PDE6H: variants seen among roughly 807,000 people sequenced by gnomAD.
PDE6H encodes retinal cone rhodopsin-sensitive cGMP 3',5'-cyclic phosphodiesterase subunit gamma.
Under a neutral mutation model 9.2 loss-of-function variants are expected in PDE6H, and 11 were observed. That is an observed-to-expected ratio of 1.19 (90% CI 0.75 to 1.97). The LOEUF (loss-of-function observed/expected upper bound fraction) is 1.97, where lower values mean the gene tolerates loss of function less well. PDE6H is among the 30% of genes most tolerant of loss of function. The pLI is 0.00. For missense variants in PDE6H, 98 were observed against 101.5 expected (o/e 0.97, Z 0.15); for synonymous variants, 36 against 33.6 (o/e 1.07, Z -0.25).
chr12:14,979,751 T>C (rs776046801), intron 3 of PDE6H, among the ~76,000 whole-genome samples: 7 of 152,184 alleles, frequency 4.6e-5, no homozygotes, highest in Non-Finnish European at 8.8e-5. Context: ...TAAAAATTGG[T>C]TACCAGATTT....
At chr12:14,975,884 A>T (rs1156385623) in intron 1 of PDE6H, among the ~76,000 whole-genome samples, 1 of 149,664 alleles carries the variant, frequency 6.7e-6, no homozygotes, top group East Asian at 2.0e-4. Flanking sequence ...GCAGTGGCAC[A>T]ATCTCAGCTC....
chr12:14,974,004 A>T (rs10505783), intron 1 of PDE6H, among the ~76,000 whole-genome samples: 2 of 152,210 alleles, frequency 1.3e-5, no homozygotes, highest in Non-Finnish European at 1.5e-5. Context: ...CAGTCCCCTA[A>T]AAAAGTATGC....
chr12:14,980,229 C>T (rs544311538), intron 3 of PDE6H, among the ~76,000 whole-genome samples: 3 of 152,292 alleles, frequency 2.0e-5, no homozygotes, highest in African/African-American at 7.2e-5. Context: ...TAGACTCATA[C>T]AGTATACAGC....
chr12:14,974,777 G>A (rs1269358164), intron 1 of PDE6H, among the ~76,000 whole-genome samples: 1 of 152,240 alleles, frequency 6.6e-6, no homozygotes, highest in African/African-American at 2.4e-5. Flanking sequence ...GATGATAATT[G>A]CCCCTCTGGT....
At position 14,981,475 on chromosome 12, in the gene PDE6H, G is replaced by A; in HGVS notation, c.251G>A (p.Ter84=). 1 of 1,610,370 alleles carries A rather than the reference G, an allele frequency of 6.2e-7. No individual in the cohort carries two copies. Among genetic ancestry groups the A allele is most frequent in the East Asian group, 2.2e-5 (1 of 44,866 alleles). Residue 84 remains the stop codon, a stop_retained_variant, in exon 4 of 4, where the codon TGA becomes TAA. Coordinates refer to ENST00000266395, the MANE Select transcript of PDE6H (RefSeq NM_006205.3). ...GAGCTCGCTCAGTTTGGGATTATCT[G>A]AAGTGCCAGAGGTTCTGCCACTCTC... is the stretch of plus-strand genomic sequence containing the variant. ...LHELAQFGII[*] is the part of the protein sequence containing the mutation.
At chr12:14,978,796 T>C (rs759909283) in intron 2 of PDE6H, among the ~76,000 whole-genome samples, 3 of 152,274 alleles carry the variant, frequency 2.0e-5, no homozygotes, top group South Asian at 2.1e-4. Context: ...TGGTATATAA[T>C]AGATGCTTAG....
intron 1 of PDE6H, among the ~76,000 whole-genome samples, chr12:14,975,266 A>G (rs1864574261): frequency 6.6e-6 from 1 of 152,228 alleles, no homozygotes; most frequent in Admixed American, 6.5e-5. Context: ...CCAGAAAAAA[A>G]ATGACTTTTT....
At chr12:14,980,501 C>A (rs1165867140) in intron 3 of PDE6H, among the ~76,000 whole-genome samples, 5 of 152,210 alleles carry the variant, frequency 3.3e-5, no homozygotes, top group Non-Finnish European at 7.3e-5. Flanking sequence ...AACAGTAGCA[C>A]TTGTAGTAAT....
intron 3 of PDE6H, 83 bp downstream of exon 3, chr12:14,979,302 A>G (rs1488220934): frequency 9.1e-6 from 8 of 880,026 alleles, no homozygotes; most frequent in Non-Finnish European, 1.5e-5. Context: ...GGGGCAGTTG[A>G]AAGTTATGAG....
rs758841031 is a variant in PDE6H, at chr12:14,974,760, G to A, written c.-42+1674G>A. On this transcript the variant is annotated intron_variant, in intron 1 of 3. Transcript: ENST00000266395. ...TGAAGGAAGCAGAGAATTACCCAGC[G>A]AGGGCAGATGATAATTGCCCCTCTG... Among the ~76,000 whole-genome samples, 96 of 152,210 alleles carry A rather than the reference G, an allele frequency of 6.3e-4. 1 individual carries two copies. The highest frequency in any genetic ancestry group is 5.2e-4 in the Admixed American group (8 of 15,290).
At chr12:14,979,938 G>C (rs548489304) in intron 3 of PDE6H, among the ~76,000 whole-genome samples, 3 of 152,220 alleles carry the variant, frequency 2.0e-5, no homozygotes, top group Non-Finnish European at 2.9e-5. Flanking sequence ...TCTTGTATTA[G>C]TGTGATTATA....
intron 3 of PDE6H, among the ~76,000 whole-genome samples, chr12:14,979,705 G>A (rs1864653044): frequency 6.6e-6 from 1 of 152,140 alleles, no homozygotes; most frequent in Non-Finnish European, 1.5e-5. Flanking sequence ...GCACCCAGAG[G>A]AGGATCTTAC....
chr12:14,974,847 C>A lies in PDE6H; in HGVS notation c.-42+1761C>A, dbSNP rs928869237. 5.3e-5 allele frequency among the ~76,000 whole-genome samples: 8 copies of A among 152,368 alleles called. 1 individual carries two copies. In the South Asian group the frequency reaches 1.7e-3, roughly 32 times the overall value. ...GAAGGAGGTGCAGAGTCCAGGTGAA[C>A]AAGTGTCATAACCACAGATTTGTTT... is the stretch of plus-strand genomic sequence containing the variant. On this transcript the variant is annotated intron_variant, in intron 1 of 3. Transcript: ENST00000266395.
intron 1 of PDE6H, among the ~76,000 whole-genome samples, chr12:14,975,239 C>A (rs1269972796): frequency 6.6e-6 from 1 of 151,566 alleles, no homozygotes; most frequent in Non-Finnish European, 1.5e-5. Flanking sequence ...ATGAAGGATG[C>A]CAGTTCAATT....
chr12:14,981,802 T>C lies in PDE6H; in HGVS notation c.*326T>C. 2 of 408,446 alleles carry C rather than the reference T, an allele frequency of 4.9e-6. No homozygotes were observed. The highest frequency in any genetic ancestry group is 4.5e-6 in the Non-Finnish European group (1 of 220,050). 25.3% of individuals were successfully genotyped at this position (408,446 alleles called of 1,614,324 possible). A position where few individuals can be genotyped will look rare whatever the true frequency, so the allele number is the denominator to read the frequency against. ...ATTCATTATGATTAATAGTAGACTT[T>C]TAAGACAACATTTATGTCACTCCCC... is the stretch of plus-strand genomic sequence containing the variant. On this transcript the variant is annotated 3_prime_UTR_variant, in exon 4 of 4. Transcript: ENST00000266395.
intron 1 of PDE6H, among the ~76,000 whole-genome samples, chr12:14,973,866 C>T (rs1456283137): frequency 6.6e-6 from 1 of 152,154 alleles, no homozygotes; most frequent in African/African-American, 2.4e-5. Context: ...TCTCAGGAAC[C>T]TCCTAAAACT....
At chr12:14,975,368 A>ATTT (rs11314271) in intron 1 of PDE6H, among the ~76,000 whole-genome samples, 19 of 149,102 alleles carry the variant, frequency 1.3e-4, no homozygotes, top group African/African-American at 3.5e-4. Context: ...GTGTCTTGTA[A>ATTT]TTTTTTTTTT....
intron 1 of PDE6H, among the ~76,000 whole-genome samples, chr12:14,975,453 C>T (rs911324022): frequency 2.6e-5 from 4 of 151,802 alleles, no homozygotes; most frequent in Non-Finnish European, 4.4e-5. Context: ...ATTTCTTCTA[C>T]CTTGAAAATC....
chr12:14,979,240 A>G (rs369864825), intron 3 of PDE6H, 21 bp downstream of exon 3: 18 of 1,578,302 alleles, frequency 1.1e-5, no homozygotes, highest in East Asian at 1.1e-4. Context: ...CACTGATTTA[A>G]GTGAGAACTT....
Sources: gnomAD v4.1 joint callset for allele counts (sites outside exome capture counted in the v4.1 genomes callset) on GRCh38, gnomAD v4.1.1 for gene constraint, MANE v1.5 for transcripts, NCBI Gene and HGNC (gene_info 2026-07-23, HGNC 2026-07-21) for gene names.